Variants in ATF7IP2 observed in about 807,000 individuals in gnomAD.
The protein encoded by ATF7IP2 is activating transcription factor 7-interacting protein 2.
A neutral mutation model predicts 64.2 loss-of-function variants in ATF7IP2; 42 were observed. That is an observed-to-expected ratio of 0.65 (90% CI 0.51 to 0.85). The LOEUF is 0.85. ATF7IP2 is among the 40% of genes least tolerant of loss of function. The pLI, the probability that ATF7IP2 is intolerant of heterozygous loss-of-function variation, is 0.00. For missense variants in ATF7IP2, 933 were observed against 784.2 expected, an observed-to-expected ratio of 1.19 and a Z score of -2.27; for synonymous variants, 308 against 272.8, an observed-to-expected ratio of 1.13 and a Z score of -1.27.
At chr16:10,387,053 A>G (rs1033667164) in intron 1 of ATF7IP2, 9 of 152,242 alleles carry the variant, frequency 5.9e-5, no homozygotes, top group African/African-American at 1.9e-4. Flanking sequence ...AATAGTCCAC[A>G]TTAGAAAAAT....
intron 2 of ATF7IP2, among the ~76,000 whole-genome samples, chr16:10,418,483 C>T (rs2047922771): frequency 6.6e-6 from 1 of 152,190 alleles, no homozygotes; most frequent in Admixed American, 6.5e-5. Context: ...TGAGCTACTT[C>T]TTGCAGGAGT....
At chr16:10,475,564 G>A (rs2049971412) in intron 12 of ATF7IP2, among the ~76,000 whole-genome samples, 1 of 151,364 alleles carries the variant, frequency 6.6e-6, no homozygotes, top group African/African-American at 2.4e-5. Flanking sequence ...GTGGTGGCGG[G>A]CACCTGTAGT....
At chr16:10,440,327 C>G (rs1351224923) in intron 7 of ATF7IP2, 37 bp from the exon 8 acceptor site, 2 of 1,107,270 alleles carry the variant, frequency 1.8e-6, no homozygotes, top group Admixed American at 2.6e-5. Flanking sequence ...ATATAGTACT[C>G]TGGCTTAGTA....
intron 9 of ATF7IP2, among the ~76,000 whole-genome samples, chr16:10,468,792 A>G (rs1380542242): frequency 6.6e-6 from 1 of 152,222 alleles, no homozygotes; most frequent in Admixed American, 6.5e-5. Context: ...GATTCCTAGA[A>G]GTCATACATC....
At chr16:10,403,725 G>C (rs1200663953) in intron 1 of ATF7IP2, among the ~76,000 whole-genome samples, 1 of 152,074 alleles carries the variant, frequency 6.6e-6, no homozygotes, top group Non-Finnish European at 1.5e-5. Context: ...ATTAATTTAG[G>C]ATATGAATGA....
At chr16:10,472,087 T>C in intron 9 of ATF7IP2, 23 bp from the exon 10 acceptor site, 2 of 1,403,728 alleles carry the variant, frequency 1.4e-6, no homozygotes, top group Non-Finnish European at 2.0e-6. Flanking sequence ...GTTTTTGTTT[T>C]TAATTTCTTT....
chr16:10,439,706 G>C (rs2048547303), intron 7 of ATF7IP2, among the ~76,000 whole-genome samples: 1 of 147,026 alleles, frequency 6.8e-6, no homozygotes, highest in Non-Finnish European at 1.5e-5. Flanking sequence ...CTAATTTTTT[G>C]TGTTCTTAGT....
At chr16:10,470,129 A>G (rs2049736954) in intron 9 of ATF7IP2, among the ~76,000 whole-genome samples, 2 of 152,266 alleles carry the variant, frequency 1.3e-5, no homozygotes, top group African/African-American at 4.8e-5. Context: ...TGGCAAATAG[A>G]AAATATTTTT....
At chr16:10,437,209 C>A (rs923250656) in intron 6 of ATF7IP2, among the ~76,000 whole-genome samples, 1 of 151,980 alleles carries the variant, frequency 6.6e-6, no homozygotes, top group Non-Finnish European at 1.5e-5. Flanking sequence ...TTAGTAGAGT[C>A]GGGGTTTCAC....
chr16:10,448,331 G>C (rs1567476408), intron 8 of ATF7IP2: 1 of 152,066 alleles, frequency 6.6e-6, no homozygotes, highest in Admixed American at 6.6e-5. Flanking sequence ...AGCTTGATGG[G>C]GATAGCATTG....
chr16:10,393,315 CAAAAA>C (rs58879332), intron 1 of ATF7IP2, among the ~76,000 whole-genome samples: 3 of 77,162 alleles, frequency 3.9e-5, no homozygotes, highest in East Asian at 3.6e-4. Flanking sequence ...GACTCTGTCT[CAAAAA>C]AAAAAAAAAA....
chr16:10,450,234 G>T (rs1324965278), intron 8 of ATF7IP2, among the ~76,000 whole-genome samples: 1 of 152,122 alleles, frequency 6.6e-6, no homozygotes, highest in Non-Finnish European at 1.5e-5. Flanking sequence ...TTTAATTCCA[G>T]TTATGTGGTC....
At chr16:10,395,342 A>C (rs1240834248) in intron 1 of ATF7IP2, among the ~76,000 whole-genome samples, 1 of 152,192 alleles carries the variant, frequency 6.6e-6, no homozygotes, top group African/African-American at 2.4e-5. Context: ...GCCCCAAATC[A>C]GATGGTTTTA....
rs111421426 is a variant in ATF7IP2, at chr16:10,443,424, C to T, written c.1194+2962C>T. ...GCTAGAAGAGAGCTACCATACAGTC[C>T]ACACCCAGTCGATTTGAAGGCCATG... is the stretch of plus-strand genomic sequence containing the variant. On this transcript the variant is annotated intron_variant, in intron 8 of 13. Transcript: ENST00000562102. Among the ~76,000 whole-genome samples the T allele has an allele frequency of 6.7e-3, 1,014 of 152,222 alleles. 8 individuals are homozygous for T. Among genetic ancestry groups the T allele is most frequent in the African/African-American group, 0.024 (977 of 41,534 alleles).
chr16:10,402,031 T>G (rs529117639), intron 1 of ATF7IP2, among the ~76,000 whole-genome samples: 24 of 152,246 alleles, frequency 1.6e-4, no homozygotes, highest in African/African-American at 5.5e-4. Context: ...GTTTTCCAAT[T>G]TTGTTTAAAT....
At chr16:10,413,289 A>T (rs558995311) in intron 1 of ATF7IP2, among the ~76,000 whole-genome samples, 3 of 152,138 alleles carry the variant, frequency 2.0e-5, no homozygotes, top group Non-Finnish European at 4.4e-5. Context: ...AGTCTTTCTC[A>T]TGCTATTCTC....
intron 6 of ATF7IP2, among the ~76,000 whole-genome samples, chr16:10,435,033 G>C (rs930408842): frequency 2.0e-5 from 3 of 152,200 alleles, no homozygotes; most frequent in African/African-American, 7.2e-5. Flanking sequence ...CTCCCAAAGT[G>C]CTGGGATTAC....
intron 8 of ATF7IP2, among the ~76,000 whole-genome samples, chr16:10,442,859 T>G (rs1217366029): frequency 6.6e-6 from 1 of 152,188 alleles, no homozygotes; most frequent in African/African-American, 2.4e-5. Flanking sequence ...TAGATATAAT[T>G]TATCCAATCC....
At chr16:10,389,940 A>G (rs2047288903) in intron 1 of ATF7IP2, among the ~76,000 whole-genome samples, 1 of 152,214 alleles carries the variant, frequency 6.6e-6, no homozygotes. Context: ...CTGTCGCTTC[A>G]TAATAACTGT....
Sources: allele counts gnomAD v4.1 joint callset (sites outside exome capture counted in the v4.1 genomes callset), GRCh38; gene constraint gnomAD v4.1.1; transcripts MANE v1.5; gene names NCBI Gene and HGNC (gene_info 2026-07-23, HGNC 2026-07-21).